The following ITGA9 variants were observed in gnomAD, a reference collection of about 807,000 sequenced individuals.
ITGA9 encodes the protein integrin alpha-9.
Under a neutral mutation model 127.8 loss-of-function variants are expected in ITGA9, and 56 were observed. The observed-to-expected ratio is 0.44, with a 90% CI of 0.35 to 0.55. The LOEUF (loss-of-function observed/expected upper bound fraction) is 0.55. ITGA9 is among the 20% of genes least tolerant of loss of function. ITGA9 has a pLI of 0.00. For synonymous variants in ITGA9, 508 were observed against 514.5 expected, an observed-to-expected ratio of 0.99 and a Z score of 0.17; for missense variants, 1,196 against 1,347.1, an observed-to-expected ratio of 0.89 and a Z score of 1.76.
intron 1 of ITGA9, among the ~76,000 whole-genome samples, chr3:37,463,081 A>G (rs958119465): frequency 6.6e-6 from 1 of 152,170 alleles, no homozygotes; most frequent in Admixed American, 6.5e-5. Flanking sequence ...CCTTTGAGGG[A>G]GGGAAAGGAG....
intron 17 of ITGA9, among the ~76,000 whole-genome samples, chr3:37,655,268 A>G (rs990312435): frequency 8.5e-5 from 13 of 152,352 alleles, no homozygotes; most frequent in Admixed American, 1.3e-4. Flanking sequence ...AGGAATTGCC[A>G]CACTGTTTTC....
At chr3:37,613,378 G>A (rs921670785) in intron 15 of ITGA9, among the ~76,000 whole-genome samples, 1 of 152,096 alleles carries the variant, frequency 6.6e-6, no homozygotes, top group African/African-American at 2.4e-5. Context: ...GGACATTTGG[G>A]TTGGTTCCAA....
intron 18 of ITGA9, among the ~76,000 whole-genome samples, chr3:37,713,742 T>C (rs976232358): frequency 2.0e-5 from 3 of 152,150 alleles, no homozygotes; most frequent in Admixed American, 1.3e-4. Context: ...GACTCACAAA[T>C]GGGCATGCTG....
At chr3:37,474,007 C>G (rs899157008) in intron 3 of ITGA9, among the ~76,000 whole-genome samples, 12 of 152,196 alleles carry the variant, frequency 7.9e-5, no homozygotes, top group African/African-American at 2.7e-4. Flanking sequence ...TTCTTTCACT[C>G]AAAATAATAT....
intron 15 of ITGA9, among the ~76,000 whole-genome samples, chr3:37,582,115 G>A (rs145699559): frequency 2.1e-4 from 32 of 152,272 alleles, no homozygotes; most frequent in African/African-American, 7.7e-4. Flanking sequence ...TGTTTTATGA[G>A]TATATTCCTA....
At chr3:37,648,814 G>A (rs1700403078) in intron 16 of ITGA9, among the ~76,000 whole-genome samples, 1 of 152,010 alleles carries the variant, frequency 6.6e-6, no homozygotes, top group Non-Finnish European at 1.5e-5. Context: ...TAAAGGTGAT[G>A]AGTAAATAGC....
chr3:37,588,679 G>A (rs1699783353), intron 15 of ITGA9, among the ~76,000 whole-genome samples: 1 of 152,228 alleles, frequency 6.6e-6, no homozygotes, highest in African/African-American at 2.4e-5. Context: ...GGGGTTCAGA[G>A]TAAGGGCCCC....
intron 23 of ITGA9, among the ~76,000 whole-genome samples, chr3:37,773,998 C>T (rs1378555073): frequency 2.0e-5 from 3 of 152,132 alleles, no homozygotes; most frequent in African/African-American, 7.2e-5. Flanking sequence ...CATTTCTAAG[C>T]CACATTTTTA....
intron 18 of ITGA9, among the ~76,000 whole-genome samples, chr3:37,699,963 A>T (rs1350202826): frequency 6.6e-6 from 1 of 152,152 alleles, no homozygotes; most frequent in Non-Finnish European, 1.5e-5. Flanking sequence ...TATAGAACCT[A>T]TGACCATCTG....
At chr3:37,772,888 T>C (rs1401242956) in intron 23 of ITGA9, among the ~76,000 whole-genome samples, 3 of 152,166 alleles carry the variant, frequency 2.0e-5, no homozygotes, top group East Asian at 1.9e-4. Context: ...AGGTGTCACA[T>C]TGCATCACAT....
chr3:37,571,179 G>A (rs763301217), intron 15 of ITGA9, among the ~76,000 whole-genome samples: 1 of 151,672 alleles, frequency 6.6e-6, no homozygotes, highest in African/African-American at 2.4e-5. Context: ...CCAGGCTAGG[G>A]TCCAACTCAG....
At chr3:37,534,183 A>C (rs1348997212) in intron 14 of ITGA9, among the ~76,000 whole-genome samples, 1 of 152,246 alleles carries the variant, frequency 6.6e-6, no homozygotes, top group East Asian at 1.9e-4. Context: ...TATGCATATT[A>C]CTAGGTGCTT....
Position 37,819,096 on chromosome 3 carries a change from C to T in ITGA9, c.*107C>T. 3 of 845,880 alleles carry T rather than the reference C, an allele frequency of 3.5e-6. No individual in the cohort carries two copies. In the South Asian group the frequency reaches 4.3e-5, roughly 12 times the overall value. 52.4% of individuals were successfully genotyped at this position (845,880 alleles called of 1,614,324 possible). A position where few individuals can be genotyped will look rare whatever the true frequency, so the allele number is the denominator to read the frequency against. On this transcript the variant is annotated 3_prime_UTR_variant, in exon 28 of 28. Transcript: ENST00000264741. ...TTCTCCAGATTTTTCGGAGGCCCCA[C>T]TGATGCTGTTCTCTTCTTCATTCTA...
chr3:37,585,705 T>C (rs898091250), intron 15 of ITGA9: 2 of 500,146 alleles, frequency 4.0e-6, no homozygotes, highest in Non-Finnish European at 8.0e-6. Context: ...CAATAGTAAT[T>C]GCCTTACTTT....
At chr3:37,607,040 T>A (rs1699975812) in intron 15 of ITGA9, among the ~76,000 whole-genome samples, 1 of 142,752 alleles carries the variant, frequency 7.0e-6, no homozygotes, top group African/African-American at 2.6e-5. Flanking sequence ...AGGGGTGCAA[T>A]AGAGTGATCA....
intron 15 of ITGA9, among the ~76,000 whole-genome samples, chr3:37,605,693 G>A (rs1699961507): frequency 6.6e-6 from 1 of 152,144 alleles, no homozygotes; most frequent in South Asian, 2.1e-4. Flanking sequence ...CATATTGAAA[G>A]GAGGGGGACT....
chr3:37,794,776 A>G (rs1697153137), intron 26 of ITGA9, among the ~76,000 whole-genome samples: 1 of 152,196 alleles, frequency 6.6e-6, no homozygotes, highest in African/African-American at 2.4e-5. Flanking sequence ...GATTTTGGAA[A>G]CATGACACCT....
At chr3:37,785,106 C>CTGAGGAGGGCTGT in intron 26 of ITGA9, 28 bp downstream of exon 26, 1 of 1,488,288 alleles carries the variant, frequency 6.7e-7, no homozygotes, top group Non-Finnish European at 9.4e-7. Context: ...GGACAGCCCT[C>CTGAGGAGGGCTGT]CTCAGAGGGC....
chr3:37,794,649 G>T (rs183375787), intron 26 of ITGA9, among the ~76,000 whole-genome samples: 5 of 152,302 alleles, frequency 3.3e-5, no homozygotes, highest in African/African-American at 1.2e-4. Context: ...GTAGTAGATA[G>T]TAAACCTCTC....
Sources: allele counts gnomAD v4.1 joint callset (sites outside exome capture counted in the v4.1 genomes callset), GRCh38; gene constraint gnomAD v4.1.1; transcripts MANE v1.5; gene names NCBI Gene and HGNC (gene_info 2026-07-23, HGNC 2026-07-21).